ACTR6: variants seen among roughly 807,000 people sequenced by gnomAD.
The protein encoded by ACTR6 is actin related protein 6.
A neutral mutation model predicts 52.5 loss-of-function variants in ACTR6; 50 were observed. The observed-to-expected ratio is 0.95, with a 90% CI of 0.76 to 1.20. The LOEUF is 1.20. ACTR6 is among the 50% of genes most tolerant of loss of function. ACTR6 has a pLI of 0.00. For missense variants in ACTR6, 344 were observed against 472.4 expected (o/e 0.73, Z 2.52); for synonymous variants, 135 against 147.2 (o/e 0.92, Z 0.60).
chr12:100,201,513 CAG>C (rs2096109650), intron 1 of ACTR6, among the ~76,000 whole-genome samples: 2 of 152,136 alleles, frequency 1.3e-5, no homozygotes, highest in South Asian at 4.1e-4. Flanking sequence ...ATCAAATTAA[CAG>C]AGCATTAAAA....
chr12:100,202,661 A>C (rs1297684797), intron 1 of ACTR6, among the ~76,000 whole-genome samples: 1 of 152,138 alleles, frequency 6.6e-6, no homozygotes, highest in African/African-American at 2.4e-5. Flanking sequence ...GATCCAGAGC[A>C]TCATGGCTAA....
chr12:100,223,165 C>G (rs1485389986), intron 10 of ACTR6, among the ~76,000 whole-genome samples: 5 of 151,624 alleles, frequency 3.3e-5, no homozygotes, highest in African/African-American at 1.2e-4. Flanking sequence ...TGGTGAAACC[C>G]CACCTCTACT....
intron 10 of ACTR6, among the ~76,000 whole-genome samples, chr12:100,220,376 T>C (rs116738380): frequency 2.6e-3 from 391 of 152,316 alleles, no homozygotes; most frequent in African/African-American, 9.0e-3. Context: ...GGGTGCTTAA[T>C]TAAGTATATG....
chr12:100,205,984 T>C (rs952440958), intron 3 of ACTR6, among the ~76,000 whole-genome samples: 2 of 152,204 alleles, frequency 1.3e-5, no homozygotes, highest in Non-Finnish European at 2.9e-5. Context: ...TATATCATCT[T>C]AATTTTCACA....
intron 4 of ACTR6, 62 bp from the exon 5 acceptor site, chr12:100,210,011 C>T: frequency 6.9e-7 from 1 of 1,441,786 alleles, no homozygotes; most frequent in Non-Finnish European, 9.3e-7. Flanking sequence ...TGTTTCCTAC[C>T]TTTTTAATTG....
intron 6 of ACTR6, among the ~76,000 whole-genome samples, chr12:100,211,683 C>T (rs1432298713): frequency 6.6e-6 from 1 of 152,152 alleles, no homozygotes; most frequent in Admixed American, 6.5e-5. Context: ...GGGATGGCCA[C>T]ACCCAGTCAT....
chr12:100,205,721 C>T lies in ACTR6; in HGVS notation c.232C>T (p.Leu78Phe). The change falls in exon 3 of 11, where the codon CTT becomes TTT. Residue 78 changes from leucine (L) to phenylalanine (F), a missense_variant. Coordinates refer to ENST00000188312, the MANE Select transcript of ACTR6 (RefSeq NM_022496.5). ...WDVQRQVWDYLFGKEMYQVDF... is the reference protein window; with the variant it reads ...WDVQRQVWDYFFGKEMYQVDF... ...TGTTCAGAGACAAGTTTGGGATTAC[C>T]TTTTTGGAAAAGAAATGTATCAGGT... 6.6e-7 allele frequency: 1 copy of T among 1,516,390 alleles called. No homozygotes were observed. The highest frequency in any genetic ancestry group is 8.8e-7 in the Non-Finnish European group (1 of 1,133,492). The allele number at this position is 1,516,390 out of a possible 1,614,324, so 93.9% of individuals were successfully genotyped here. A position where few individuals can be genotyped will look rare whatever the true frequency, so the allele number is the denominator to read the frequency against.
intron 10 of ACTR6, among the ~76,000 whole-genome samples, chr12:100,222,016 G>A (rs1199002809): frequency 3.3e-5 from 5 of 151,298 alleles, no homozygotes; most frequent in South Asian, 2.1e-4. Context: ...GTGCAGTGGC[G>A]CAGTCTTGGC....
intron 9 of ACTR6, among the ~76,000 whole-genome samples, chr12:100,219,323 T>C (rs1401702045): frequency 1.3e-5 from 2 of 152,174 alleles, no homozygotes; most frequent in East Asian, 3.8e-4. Flanking sequence ...GAGGTCAATA[T>C]AAGGAAACTC....
At chr12:100,217,561 C>T (rs2096124827) in intron 8 of ACTR6, among the ~76,000 whole-genome samples, 1 of 151,880 alleles carries the variant, frequency 6.6e-6, no homozygotes, top group Non-Finnish European at 1.5e-5. Context: ...TTTTGCAGCC[C>T]CCTCAGCACT....
chr12:100,216,178 C>T (rs950518641), intron 8 of ACTR6, among the ~76,000 whole-genome samples: 11 of 152,216 alleles, frequency 7.2e-5, no homozygotes, highest in African/African-American at 2.4e-4. Flanking sequence ...TGGTTTGAGA[C>T]GGAGTCTCGT....
chr12:100,205,431 C>A, intron 2 of ACTR6: 1 of 311,386 alleles, frequency 3.2e-6, no homozygotes, highest in South Asian at 9.8e-5. Context: ...ATTCATACAG[C>A]AGTATACCTA....
At chr12:100,213,352 A>G (rs761588747) in intron 8 of ACTR6, among the ~76,000 whole-genome samples, 7 of 152,056 alleles carry the variant, frequency 4.6e-5, no homozygotes, top group Non-Finnish European at 7.4e-5. Flanking sequence ...CTTGGCTCCT[A>G]GGTGTTGGGA....
intron 8 of ACTR6, among the ~76,000 whole-genome samples, chr12:100,213,146 A>T (rs1457878492): frequency 6.6e-6 from 1 of 151,836 alleles, no homozygotes; most frequent in African/African-American, 2.4e-5. Context: ...GCTAGAGTGC[A>T]ATGGTGCGAT....
chr12:100,223,888 C>T lies in ACTR6; in HGVS notation c.1164C>T (p.Ser388=), dbSNP rs142651429. The change falls in exon 11 of 11, where the codon AGC becomes AGT. Residue 388 remains serine (S), a synonymous_variant. Coordinates refer to ENST00000188312, the MANE Select transcript of ACTR6 (RefSeq NM_022496.5). ...TREDYEENGH[S]VCEEKFDI is the part of the protein sequence containing the mutation. The stretch of plus-strand genomic sequence containing the variant: ...AAGATTACGAAGAAAATGGACATAG[C>T]GTCTGTGAAGAGAAATTTGATATTT... 34 of 1,607,674 alleles carry T rather than the reference C, an allele frequency of 2.1e-5. No homozygotes were observed. The highest frequency in any genetic ancestry group is 9.4e-5 in the African/African-American group (7 of 74,540).
rs937402330 is a variant in ACTR6, at chr12:100,212,524, G to C, written c.746G>C (p.Cys249Ser). ...TTCAGTACAATTAAAAAGGGCTTTT[G>C]TAAGGTAATTTTTAAAAACCATCAA... ...PDFSTIKKGF[C>S]KPREEMVLSG... Residue 249 changes from cysteine to serine, a missense_variant, in exon 8 of 11, where the codon TGT (cysteine) becomes TCT (serine). Coordinates refer to ENST00000188312, the MANE Select transcript of ACTR6 (RefSeq NM_022496.5). The C allele has an allele frequency of 2.5e-6, 4 of 1,611,600 alleles. No homozygotes were observed. The highest frequency in any genetic ancestry group is 3.4e-6 in the Non-Finnish European group (4 of 1,177,938).
intron 10 of ACTR6, among the ~76,000 whole-genome samples, chr12:100,222,556 C>T (rs1473522581): frequency 6.6e-6 from 1 of 151,990 alleles, no homozygotes. Flanking sequence ...CCATAACCGA[C>T]CTTTGTTTTA....
At chr12:100,210,391 G>A in intron 6 of ACTR6, 40 bp downstream of exon 6, 4 of 1,580,042 alleles carry the variant, frequency 2.5e-6, no homozygotes, top group Non-Finnish European at 3.5e-6. Flanking sequence ...ATGGGGCTCT[G>A]GGGAGGAACC....
Position 100,210,160 on chromosome 12 carries a change from A to G in ACTR6, c.467A>G (p.His156Arg). ...IIVDSGYSFT[H>R]IVPYCRSKKK... ...GTTGATAGTGGATATTCCTTTACAC[A>G]TATAGTTCCTTATTGTAGAAGTAAA... The change falls in exon 5 of 11, where the codon CAT (histidine) becomes CGT (arginine). Residue 156 changes from histidine to arginine, a missense_variant. Coordinates refer to ENST00000188312, the MANE Select transcript of ACTR6 (RefSeq NM_022496.5). The G allele has an allele frequency of 6.2e-7, 1 of 1,607,968 alleles. No individual in the cohort carries two copies. Among genetic ancestry groups the G allele is most frequent in the Non-Finnish European group, 8.5e-7 (1 of 1,175,928 alleles).
Sources: gnomAD v4.1 joint callset for allele counts (sites outside exome capture counted in the v4.1 genomes callset) on GRCh38, gnomAD v4.1.1 for gene constraint, MANE v1.5 for transcripts, NCBI Gene and HGNC (gene_info 2026-07-23, HGNC 2026-07-21) for gene names.